The following UBE2U variants were observed in gnomAD, a reference collection of about 807,000 sequenced individuals.
UBE2U encodes ubiquitin-conjugating enzyme E2 U.
In UBE2U, 39 loss-of-function variants were observed where a neutral mutation model predicts 41.2. The ratio of observed to expected loss-of-function variants is 0.95; its 90% CI spans 0.73 to 1.24. UBE2U has a LOEUF of 1.24. UBE2U is among the 50% of genes most tolerant of loss of function. The probability of loss-of-function intolerance (pLI) is 0.00; values close to 1 mark genes in which losing one functional copy is unlikely to be tolerated. For synonymous variants in UBE2U, 107 were observed against 117.8 expected, an observed-to-expected ratio of 0.91 and a Z score of 0.60; for missense variants, 336 against 363.1, an observed-to-expected ratio of 0.93 and a Z score of 0.61.
At chr1:64,235,859 T>A (rs1644657828) in intron 7 of UBE2U, among the ~76,000 whole-genome samples, 1 of 152,160 alleles carries the variant, frequency 6.6e-6, no homozygotes, top group African/African-American at 2.4e-5. Context: ...TCAACCAACA[T>A]TATTAAGCAC....
chr1:64,251,877 C>T (rs1645016542), intron 8 of UBE2U, among the ~76,000 whole-genome samples: 1 of 152,170 alleles, frequency 6.6e-6, no homozygotes, highest in Non-Finnish European at 1.5e-5. Flanking sequence ...GGGGCTGAAT[C>T]CAGAGAGCCA....
chr1:64,210,969 A>C (rs1651629423), intron 4 of UBE2U, 130 bp downstream of exon 4: 1 of 551,788 alleles, frequency 1.8e-6, no homozygotes, highest in Non-Finnish European at 2.9e-6. Flanking sequence ...TTAAATCCAT[A>C]CTTCTATATG....
At position 64,239,142 on chromosome 1, in the gene UBE2U, A is replaced by AAGGAGAAGGAGAAGGAGAAGGAGAAGG. The variant is rs1557730583; in HGVS notation, c.596-2508_596-2507insGAGAAGGAGAAGGAGAAGGAGAAGGAG. Among the ~76,000 whole-genome samples, 8 of 26,484 alleles carry AAGGAGAAGGAGAAGGAGAAGGAGAAGG rather than the reference A, an allele frequency of 3.0e-4. 1 individual carries two copies. Among genetic ancestry groups the AAGGAGAAGGAGAAGGAGAAGGAGAAGG allele is most frequent in the African/African-American group, 1.4e-3 (8 of 5,886 alleles). 17.4% of individuals were successfully genotyped at this position (26,484 alleles called of 152,430 possible). On this transcript the variant is annotated intron_variant, in intron 7 of 9. Transcript: ENST00000371077. The stretch of plus-strand genomic sequence containing the variant: ...GAAGAAGAAGAAGAAGAAGAAGAAG[A>AAGGAGAAGGAGAAGGAGAAGGAGAAGG]AGAAGAAGAAGAAGAAAGAAGAAGA...
intron 7 of UBE2U, among the ~76,000 whole-genome samples, chr1:64,233,291 G>A (rs1016947516): frequency 3.2e-4 from 49 of 152,048 alleles, no homozygotes; most frequent in African/African-American, 1.1e-3. Flanking sequence ...ACAGGCGTGA[G>A]CCACCACACC....
intron 7 of UBE2U, among the ~76,000 whole-genome samples, chr1:64,235,371 T>G (rs1473395128): frequency 6.6e-6 from 1 of 152,206 alleles, no homozygotes; most frequent in Non-Finnish European, 1.5e-5. Flanking sequence ...TTTCAAGAGT[T>G]TCCTTGAATA....
chr1:64,228,734 G>A (rs1278711861), intron 6 of UBE2U, among the ~76,000 whole-genome samples: 1 of 134,054 alleles, frequency 7.5e-6, no homozygotes. Flanking sequence ...CTGTCGCCCA[G>A]GTTGGAGTGC....
At chr1:64,258,130 AT>A (rs1480594578) in intron 8 of UBE2U, among the ~76,000 whole-genome samples, 1 of 152,082 alleles carries the variant, frequency 6.6e-6, no homozygotes, top group Non-Finnish European at 1.5e-5. Flanking sequence ...ATCACTACTG[AT>A]TTATCTTGAT....
At chr1:64,255,309 A>T (rs540171188) in intron 8 of UBE2U, among the ~76,000 whole-genome samples, 1 of 152,312 alleles carries the variant, frequency 6.6e-6, no homozygotes, top group South Asian at 2.1e-4. Flanking sequence ...TCAGAACCAG[A>T]CAGATTCACA....
chr1:64,212,554 A>T (rs754751181), intron 4 of UBE2U, among the ~76,000 whole-genome samples: 25 of 152,280 alleles, frequency 1.6e-4, no homozygotes, highest in Non-Finnish European at 5.9e-5. Flanking sequence ...GTGTGTAAAG[A>T]ATTCGGAACT....
intron 8 of UBE2U, among the ~76,000 whole-genome samples, chr1:64,246,688 G>T (rs1644926988): frequency 6.6e-6 from 1 of 152,146 alleles, no homozygotes; most frequent in Non-Finnish European, 1.5e-5. Context: ...GAGATAGGAA[G>T]CTTGGTAATT....
intron 9 of UBE2U, among the ~76,000 whole-genome samples, chr1:64,262,174 A>C (rs1645188845): frequency 6.6e-6 from 1 of 152,144 alleles, no homozygotes; most frequent in Non-Finnish European, 1.5e-5. Context: ...TCTAATGCCT[A>C]TGCATCCTTT....
intron 8 of UBE2U, 43 bp from the exon 9 acceptor site, chr1:64,260,560 C>A (rs1645164770): frequency 6.8e-7 from 1 of 1,473,500 alleles, no homozygotes; most frequent in East Asian, 2.5e-5. Flanking sequence ...TATACCCTTA[C>A]CAAAATTCAT....
Position 64,206,773 on chromosome 1 carries a change from TC to T in UBE2U, c.160del (p.Gln54AsnfsTer2), listed in dbSNP as rs779725492. 3.1e-6 allele frequency: 5 copies of T among 1,588,908 alleles called. No homozygotes were observed. In the South Asian group the frequency reaches 3.4e-5, roughly 11 times the overall value. ...TATTTCTATATTATAGGTTTAGTCT[TC>T]CAACTGACAATACATTTTACATCGG... ...LQNSVWQGLV[F>X]QLTIHFTSEY... On this transcript the variant is annotated frameshift_variant, in exon 3 of 10. Transcript: ENST00000371077. LOFTEE classifies it high-confidence loss of function.
At chr1:64,239,184 G>GA (rs1335006070) in intron 7 of UBE2U, among the ~76,000 whole-genome samples, 8 of 144,906 alleles carry the variant, frequency 5.5e-5, no homozygotes, top group South Asian at 2.3e-4. Context: ...AGAAGAAGAA[G>GA]AAGAAGAAAG....
In UBE2U at chr1:64,256,706, C is replaced by T. The variant is rs560975882; in HGVS notation, c.678-3897C>T. On this transcript the variant is annotated intron_variant, in intron 8 of 9. Coordinates refer to ENST00000371077, the MANE Select transcript of UBE2U (RefSeq NM_001366232.2). ...GGCAATACCATTCAGGACATAGGCA[C>T]GGGCAAAGATTTCATGATGAAAATG... Among the ~76,000 whole-genome samples, 126 of 152,054 alleles carry T rather than the reference C, an allele frequency of 8.3e-4. 1 individual carries two copies. Among genetic ancestry groups the T allele is most frequent in the African/African-American group, 1.0e-3 (42 of 41,518 alleles).
chr1:64,233,310 T>C (rs900493144), intron 7 of UBE2U, among the ~76,000 whole-genome samples: 2 of 152,056 alleles, frequency 1.3e-5, no homozygotes, highest in African/African-American at 4.8e-5. Context: ...CCCGGCCTTA[T>C]TTTTACTTTT....
chr1:64,217,158 C>T (rs929600759), intron 5 of UBE2U, among the ~76,000 whole-genome samples: 1 of 152,164 alleles, frequency 6.6e-6, no homozygotes, highest in Non-Finnish European at 1.5e-5. Context: ...CAAGGCCAGG[C>T]TGGCAGTTAG....
chr1:64,224,935 TCACACA>T (rs34259884), intron 6 of UBE2U, among the ~76,000 whole-genome samples: 1,706 of 146,856 alleles, frequency 0.012, 29 homozygotes, highest in African/African-American at 0.034. Context: ...TAGGATATTA[TCACACA>T]CACACACACA....
chr1:64,229,618 C>T lies in UBE2U; in HGVS notation c.507-2943C>T, dbSNP rs1653142516. Among the ~76,000 whole-genome samples the T allele has an allele frequency of 2.0e-5, 3 of 152,192 alleles. No homozygotes were observed. The South Asian group carries it at 6.2e-4, about 32-fold the overall frequency. On this transcript the variant is annotated intron_variant, in intron 6 of 9. Coordinates refer to ENST00000371077, the MANE Select transcript of UBE2U (RefSeq NM_001366232.2). ...CCTGAGTATCCATGATACTAAACAACTAGGTCATGATGGACAGGAAGGTTC... is the reference window on the plus strand; with the variant it reads ...CCTGAGTATCCATGATACTAAACAATTAGGTCATGATGGACAGGAAGGTTC...
Sources: allele counts gnomAD v4.1 joint callset (sites outside exome capture counted in the v4.1 genomes callset), GRCh38; gene constraint gnomAD v4.1.1; transcripts MANE v1.5; gene names NCBI Gene and HGNC (gene_info 2026-07-23, HGNC 2026-07-21).